ZDHHC11: variants seen among roughly 807,000 people sequenced by gnomAD.
The protein encoded by ZDHHC11 is palmitoyltransferase ZDHHC11.
A neutral mutation model predicts 51.3 loss-of-function variants in ZDHHC11; 44 were observed. That is an observed-to-expected ratio of 0.86 (90% CI 0.67 to 1.10). The LOEUF (loss-of-function observed/expected upper bound fraction) is 1.10, where lower values mean the gene tolerates loss of function less well. Among genes scored for constraint, ZDHHC11 ranks in the 50% least tolerant of loss-of-function variants. The pLI, the probability that ZDHHC11 is intolerant of heterozygous loss-of-function variation, is 0.00. For synonymous variants in ZDHHC11, 163 were observed against 222.0 expected (o/e 0.73, Z 2.36); for missense variants, 400 against 537.7 (o/e 0.74, Z 2.53).
At chr5:857,703 A>T (rs1226755498) in intron 1 of ZDHHC11, among the ~76,000 whole-genome samples, 5 of 133,316 alleles carry the variant, frequency 3.8e-5, no homozygotes, top group African/African-American at 1.5e-4. Flanking sequence ...CCCTGTCTTT[A>T]TGACACCATG....
chr5:854,122 G>A (rs936800636), upstream of ZDHHC11, among the ~76,000 whole-genome samples: 7 of 147,288 alleles, frequency 4.8e-5, no homozygotes, highest in East Asian at 2.1e-4. Flanking sequence ...AGTGAGGAGC[G>A]GGGACAGACC....
At chr5:800,444 C>T (rs1456023720) in intron 12 of ZDHHC11, among the ~76,000 whole-genome samples, 1 of 150,642 alleles carries the variant, frequency 6.6e-6, no homozygotes, top group Non-Finnish European at 1.5e-5. Flanking sequence ...TTTTAAGGTA[C>T]AATCATGTCT....
chr5:835,995 G>C (rs1199636032), intron 6 of ZDHHC11, among the ~76,000 whole-genome samples: 2 of 151,676 alleles, frequency 1.3e-5, no homozygotes, highest in East Asian at 3.8e-4. Flanking sequence ...AGGTTTCATT[G>C]TCTGCAAATA....
At chr5:860,006 CA>C (rs1308835253), upstream of ZDHHC11, among the ~76,000 whole-genome samples, 1 of 152,222 alleles carries the variant, frequency 6.6e-6, no homozygotes, top group African/African-American at 2.4e-5. This position sits in a 1 kb window ranked among gnomAD's most constrained non-coding sequence, Gnocchi z 4.2. Flanking sequence ...CGTCCACAGT[CA>C]GGGGCCCTCT....
chr5:813,640 G>A (rs542769258), intron 11 of ZDHHC11, among the ~76,000 whole-genome samples: 1 of 150,294 alleles, frequency 6.7e-6, no homozygotes, highest in Non-Finnish European at 1.5e-5. Context: ...TGAGCAGCAT[G>A]ACCTACTGGA....
upstream of ZDHHC11, chr5:851,110 C>T (rs1157741420): frequency 1.2e-5 from 2 of 163,430 alleles, no homozygotes; most frequent in Admixed American, 5.8e-5. Context: ...GCTCGTGAGC[C>T]GTTACTCACT....
chr5:811,655 C>T (rs1314364830), intron 11 of ZDHHC11, among the ~76,000 whole-genome samples: 3 of 150,032 alleles, frequency 2.0e-5, no homozygotes, highest in Admixed American at 6.6e-5. Flanking sequence ...TGGCTCCCAG[C>T]GGAGTTGGGA....
At chr5:813,091 C>A (rs1740302584) in intron 11 of ZDHHC11, among the ~76,000 whole-genome samples, 2 of 145,256 alleles carry the variant, frequency 1.4e-5, no homozygotes, top group South Asian at 4.4e-4. Context: ...AGTCCCAACA[C>A]TTTAGGAGGC....
chr5:823,987 G>T (rs1449875237), intron 8 of ZDHHC11: 6 of 449,344 alleles, frequency 1.3e-5, no homozygotes, highest in Admixed American at 2.4e-5. Flanking sequence ...AAGGGGCAAG[G>T]CTTGGACACC....
rs367552944 is a variant in ZDHHC11, at chr5:818,216, C to T, written c.1146+1309G>A. ...ACCGAGGGGACTCACAATTGCACCC[C>T]GGCAGCAGGTGTGCATGTGGACGAT... is the stretch of plus-strand genomic sequence containing the variant. On this transcript the variant is annotated intron_variant, in intron 10 of 12. Transcript: ENST00000283441. Among the ~76,000 whole-genome samples, 49 of 151,204 alleles carry T rather than the reference C, an allele frequency of 3.2e-4. 2 individuals carry two copies. The highest frequency in any genetic ancestry group is 4.4e-4 in the Non-Finnish European group (30 of 67,562).
intron 1 of ZDHHC11, among the ~76,000 whole-genome samples, chr5:858,544 C>T (rs532753218): frequency 6.6e-6 from 1 of 152,308 alleles, no homozygotes; most frequent in African/African-American, 2.4e-5. Context: ...CTGTCCTCAC[C>T]GTCCCTGCCC....
At chr5:802,223 G>A (rs1282399677) in intron 11 of ZDHHC11, among the ~76,000 whole-genome samples, 3 of 151,244 alleles carry the variant, frequency 2.0e-5, no homozygotes, top group Non-Finnish European at 4.4e-5. Context: ...AACAATGGGA[G>A]TGTCTGCCAC....
At chr5:837,578 C>T (rs1464142532) in intron 5 of ZDHHC11, 98 bp from the exon 6 acceptor site, 46 of 1,323,384 alleles carry the variant, frequency 3.5e-5, no homozygotes, top group South Asian at 1.7e-4. Flanking sequence ...GCCACTGATC[C>T]GGCCCCTGCA....
At chr5:802,972 G>C (rs1406584362) in intron 11 of ZDHHC11, among the ~76,000 whole-genome samples, 1 of 147,826 alleles carries the variant, frequency 6.8e-6, no homozygotes, top group African/African-American at 2.5e-5. Context: ...AGTGAGCAGA[G>C]ATTGTGCCAC....
At chr5:798,976 A>G (rs1738012958) in intron 12 of ZDHHC11, among the ~76,000 whole-genome samples, 3 of 152,052 alleles carry the variant, frequency 2.0e-5, no homozygotes. Context: ...TTGGGCTTCT[A>G]TAAAACACAC....
At chr5:806,550 A>C (rs1457998587) in intron 11 of ZDHHC11, among the ~76,000 whole-genome samples, 5 of 151,288 alleles carry the variant, frequency 3.3e-5, no homozygotes. Context: ...ATTGTAATGC[A>C]TGATCTGGTT....
Position 825,153 on chromosome 5 carries a change from CTG to C in ZDHHC11, c.1023+9_1023+10del, listed in dbSNP as rs750894584. 4.3e-6 allele frequency: 7 copies of C among 1,609,480 alleles called. No homozygotes were observed. In the South Asian group the frequency reaches 7.7e-5, roughly 18 times the overall value. ...TGACCTCGGGGTGCATCGCTGGTGA[CTG>C]CAACTTACCCGTGCCGTCGAATCCC... On this transcript the variant is annotated intron_variant, in intron 8 of 12. Coordinates refer to ENST00000283441, the MANE Select transcript of ZDHHC11 (RefSeq NM_024786.3).
At chr5:827,945 A>C (rs1269527081) in intron 7 of ZDHHC11, among the ~76,000 whole-genome samples, 1 of 151,026 alleles carries the variant, frequency 6.6e-6, no homozygotes, top group Non-Finnish European at 1.5e-5. Flanking sequence ...ATGACTCTTA[A>C]TGAGCATGCT....
Position 848,593 on chromosome 5 carries a change from T to G in ZDHHC11, c.290A>C (p.Asp97Ala). ...GTTCTTCATGAGTCTGACATTGGAGTCGGCCGGGTCGATGCAGGACGCGAT... is the reference window on the plus strand; with the variant it reads ...GTTCTTCATGAGTCTGACATTGGAGGCGGCCGGGTCGATGCAGGACGCGAT... ...HLIASCIDPA[D>A]SNVRLMKNYS... Residue 97 changes from aspartate to alanine, a missense_variant, in exon 2 of 13, where the codon GAC becomes GCC. Physicochemically the swap from Asp to Ala is moderately radical, Grantham distance 126. Around this residue, in one of 5 missense-constraint regions of ZDHHC11, gnomAD observed 22 missense variants for 81.0 expected, o/e 0.27. Coordinates refer to ENST00000283441, the MANE Select transcript of ZDHHC11 (RefSeq NM_024786.3). 6.3e-7 allele frequency: 1 copy of G among 1,597,644 alleles called. No homozygotes were observed. The highest frequency in any genetic ancestry group is 8.5e-7 in the Non-Finnish European group (1 of 1,172,172).
Sources: gnomAD v4.1 joint callset for allele counts (sites outside exome capture counted in the v4.1 genomes callset) on GRCh38, gnomAD v4.1.1 for gene constraint, gnomAD v4.1.1 regional missense constraint, Gnocchi (gnomAD v3.1) non-coding constraint, MANE v1.5 for transcripts, NCBI Gene and HGNC (gene_info 2026-07-23, HGNC 2026-07-21) for gene names.